SNTG1: variants seen among roughly 807,000 people sequenced by gnomAD.
The protein encoded by SNTG1 is syntrophin gamma 1.
A neutral mutation model predicts 74.7 loss-of-function variants in SNTG1; 39 were observed. That is an observed-to-expected ratio of 0.52 (90% CI 0.40 to 0.68). The LOEUF is 0.68. SNTG1 is among the 30% of genes least tolerant of loss of function. The probability of loss-of-function intolerance (pLI) is 0.00; values close to 1 mark genes in which losing one functional copy is unlikely to be tolerated. For missense variants in SNTG1, 685 were observed against 609.5 expected (o/e 1.12, Z -1.30); for synonymous variants, 254 against 217.1 (o/e 1.17, Z -1.49).
intron 13 of SNTG1, among the ~76,000 whole-genome samples, chr8:50,609,340 T>C (rs1039594649): frequency 6.6e-6 from 1 of 152,126 alleles, no homozygotes; most frequent in Non-Finnish European, 1.5e-5. Flanking sequence ...CTTTTTTGTT[T>C]GTATCATTCA....
intron 8 of SNTG1, among the ~76,000 whole-genome samples, chr8:50,455,852 A>T (rs935239646): frequency 9.2e-5 from 14 of 152,188 alleles, no homozygotes; most frequent in African/African-American, 3.4e-4. Flanking sequence ...ACTGCTAACG[A>T]TTACATTGTT....
intron 2 of SNTG1, among the ~76,000 whole-genome samples, chr8:50,350,639 A>G (rs2091628424): frequency 6.6e-6 from 1 of 151,794 alleles, no homozygotes; most frequent in Non-Finnish European, 1.5e-5. Flanking sequence ...TTGTAAACAC[A>G]CCAATCAGCA....
At chr8:50,623,775 CATA>C (rs1426942872) in intron 13 of SNTG1, among the ~76,000 whole-genome samples, 1 of 151,884 alleles carries the variant, frequency 6.6e-6, no homozygotes, top group African/African-American at 2.4e-5. Flanking sequence ...GTGTTGGTCT[CATA>C]ATATCAACAT....
chr8:50,558,349 G>A (rs1013229946), intron 12 of SNTG1, among the ~76,000 whole-genome samples: 1 of 152,076 alleles, frequency 6.6e-6, no homozygotes, highest in African/African-American at 2.4e-5. Context: ...CTCTTCCCAG[G>A]TCTCTGATCA....
intron 13 of SNTG1, among the ~76,000 whole-genome samples, chr8:50,606,923 C>T (rs2094817066): frequency 6.6e-6 from 1 of 151,564 alleles, no homozygotes; most frequent in Non-Finnish European, 1.5e-5. Flanking sequence ...GCGAATATAT[C>T]CCAGTTAATC....
At chr8:50,297,183 C>G (rs1483251432) in intron 2 of SNTG1, among the ~76,000 whole-genome samples, 1 of 152,196 alleles carries the variant, frequency 6.6e-6, no homozygotes, top group African/African-American at 2.4e-5. Flanking sequence ...TCCTCCTTAT[C>G]TGCAGAAGAT....
intron 2 of SNTG1, among the ~76,000 whole-genome samples, chr8:50,220,478 G>A (rs2085008874): frequency 6.6e-6 from 1 of 152,186 alleles, no homozygotes; most frequent in South Asian, 2.1e-4. Context: ...CATGAGACTG[G>A]AGGGGATAAT....
intron 1 of SNTG1, among the ~76,000 whole-genome samples, chr8:50,073,314 G>A (rs1821539859): frequency 6.6e-6 from 1 of 152,130 alleles, no homozygotes; most frequent in Admixed American, 6.6e-5. Flanking sequence ...TCCATAAGAA[G>A]CAACTCCTCA....
rs138931336 is a variant in SNTG1, at chr8:49,989,548, TA to T, written c.-103+77318del. On this transcript the variant is annotated intron_variant, in intron 1 of 18. Transcript: ENST00000642720. ...TGCAATAAATAGTCAATATAATTTT[TA>T]GCAAAATCTTTCTAAAAACATGGTA... Among the ~76,000 whole-genome samples, 39 of 152,098 alleles carry T rather than the reference TA, an allele frequency of 2.6e-4. 1 individual carries two copies. In the East Asian group the frequency reaches 7.3e-3, roughly 29 times the overall value.
At chr8:50,036,960 C>T (rs1489119450) in intron 1 of SNTG1, among the ~76,000 whole-genome samples, 1 of 152,216 alleles carries the variant, frequency 6.6e-6, no homozygotes, top group Non-Finnish European at 1.5e-5. Context: ...TCTGCAATCT[C>T]TGGAAGTGAA....
chr8:50,779,279 T>C (rs1430635101), intron 18 of SNTG1, among the ~76,000 whole-genome samples: 1 of 152,198 alleles, frequency 6.6e-6, no homozygotes, highest in African/African-American at 2.4e-5. Context: ...ATTGAATCTA[T>C]AAATTATTTT....
chr8:50,774,687 C>A (rs1379791770), intron 18 of SNTG1, among the ~76,000 whole-genome samples: 1 of 151,672 alleles, frequency 6.6e-6, no homozygotes. Flanking sequence ...AGTATAAATG[C>A]ATTTTTATTG....
intron 1 of SNTG1, among the ~76,000 whole-genome samples, chr8:49,926,952 AAAG>A (rs1326187505): frequency 6.6e-6 from 1 of 152,218 alleles, no homozygotes; most frequent in Non-Finnish European, 1.5e-5. Context: ...ACATCTCACC[AAAG>A]AAGACATGCA....
chr8:50,787,744 C>CA (rs1404315028), intron 18 of SNTG1, among the ~76,000 whole-genome samples: 1 of 151,798 alleles, frequency 6.6e-6, no homozygotes. Flanking sequence ...TAGATAATCA[C>CA]AAAATATCTT....
chr8:50,634,109 C>T (rs146593083), intron 13 of SNTG1, among the ~76,000 whole-genome samples: 83 of 152,242 alleles, frequency 5.5e-4, no homozygotes, highest in African/African-American at 1.9e-3. Flanking sequence ...ACCCACCATG[C>T]GGAGTCAAAC....
At chr8:50,634,979 C>T (rs904842433) in intron 13 of SNTG1, among the ~76,000 whole-genome samples, 3 of 152,146 alleles carry the variant, frequency 2.0e-5, no homozygotes, top group African/African-American at 7.2e-5. Context: ...TGGGATTGGT[C>T]TACCACAGTA....
At chr8:50,286,216 C>G (rs2088774346) in intron 2 of SNTG1, among the ~76,000 whole-genome samples, 1 of 152,144 alleles carries the variant, frequency 6.6e-6, no homozygotes, top group Non-Finnish European at 1.5e-5. Flanking sequence ...AGGAGACCAA[C>G]AAAAAGCATA....
At chr8:50,644,444 G>A (rs1041842781) in intron 13 of SNTG1, 3 of 152,084 alleles carry the variant, frequency 2.0e-5, no homozygotes, top group South Asian at 4.2e-4. Context: ...GATCCACTCC[G>A]ACTTAATTAA....
chr8:50,461,770 C>T (rs994404767), intron 8 of SNTG1, among the ~76,000 whole-genome samples: 1 of 151,814 alleles, frequency 6.6e-6, no homozygotes, highest in African/African-American at 2.4e-5. Flanking sequence ...GCTTCTGGCA[C>T]TAACATACTT....
Sources: gnomAD v4.1 joint callset for allele counts (sites outside exome capture counted in the v4.1 genomes callset) on GRCh38, gnomAD v4.1.1 for gene constraint, MANE v1.5 for transcripts, NCBI Gene and HGNC (gene_info 2026-07-23, HGNC 2026-07-21) for gene names.